The following INPP5A variants were observed in gnomAD, a reference collection of about 807,000 sequenced individuals.
The protein encoded by INPP5A is inositol polyphosphate-5-phosphatase A, also known as 43 kDa inositol polyphosphate 5-phophatase.
Under a neutral mutation model 65.2 loss-of-function variants are expected in INPP5A, and 14 were observed. The ratio of observed to expected loss-of-function variants is 0.21; its 90% CI spans 0.14 to 0.34. The LOEUF (loss-of-function observed/expected upper bound fraction) is 0.34. Among genes scored for constraint, INPP5A ranks in the 10% least tolerant of loss-of-function variants. INPP5A has a pLI of 1.00. For synonymous variants in INPP5A, 207 were observed against 208.3 expected (o/e 0.99, Z 0.05); for missense variants, 431 against 545.6 (o/e 0.79, Z 2.09).
At chr10:132,699,368 G>GGGCT (rs1427096273) in intron 6 of INPP5A, among the ~76,000 whole-genome samples, 2 of 149,888 alleles carry the variant, frequency 1.3e-5, no homozygotes, top group East Asian at 3.9e-4. Context: ...GGGGTGGGGG[G>GGGCT]GGGCTGGGCT....
intron 9 of INPP5A, among the ~76,000 whole-genome samples, chr10:132,734,975 G>A (rs1432099985): frequency 6.6e-6 from 1 of 152,178 alleles, no homozygotes; most frequent in Non-Finnish European, 1.5e-5. Context: ...CTCAGAGAAG[G>A]CCACACAGAG....
At position 132,549,195 on chromosome 10, in the gene INPP5A, A is replaced by G. The variant is rs1397971306; in HGVS notation, c.75+11024A>G. Among the ~76,000 whole-genome samples, 1 of 152,072 alleles carries G rather than the reference A, an allele frequency of 6.6e-6. No homozygotes were observed. The highest frequency in any genetic ancestry group is 1.9e-4 in the East Asian group (1 of 5,178). ...ACGTCGGGGCTATCGTGGCTAGTGT[A>G]CTGTTTGTGAATATGCACGTGCCTG... On this transcript the variant is annotated intron_variant, in intron 1 of 15. Coordinates refer to ENST00000368594, the MANE Select transcript of INPP5A (RefSeq NM_005539.5). The surrounding 1 kb of genome is among the most constrained non-coding windows in gnomAD (Gnocchi z 4.9).
At chr10:132,666,377 T>C (rs376473311) in intron 4 of INPP5A, among the ~76,000 whole-genome samples, 14 of 151,924 alleles carry the variant, frequency 9.2e-5, no homozygotes, top group African/African-American at 3.4e-4. Flanking sequence ...AGTAGGGAGG[T>C]AACGGATAAG....
intron 2 of INPP5A, among the ~76,000 whole-genome samples, chr10:132,630,615 A>ATGAGGGGAAGACG (rs1564941157): frequency 0.042 from 361 of 8,590 alleles, 1 homozygote; most frequent in South Asian, 0.14. Context: ...AGGGGAAGAC[A>ATGAGGGGAAGACG]TCCATGAGGG....
At chr10:132,700,645 G>T (rs2134506057) in intron 6 of INPP5A, among the ~76,000 whole-genome samples, 1 of 152,280 alleles carries the variant, frequency 6.6e-6, no homozygotes, top group Admixed American at 6.5e-5. Context: ...GCCTGGCCGG[G>T]CCCGCCCCTC....
intron 1 of INPP5A, among the ~76,000 whole-genome samples, chr10:132,562,797 G>C (rs1203718424): frequency 1.3e-5 from 2 of 152,230 alleles, no homozygotes; most frequent in African/African-American, 4.8e-5. Context: ...GGCCTGTGGG[G>C]ATGGATGGCA....
intron 9 of INPP5A, among the ~76,000 whole-genome samples, chr10:132,749,045 C>G (rs1420278807): frequency 6.6e-6 from 1 of 152,250 alleles, no homozygotes; most frequent in Non-Finnish European, 1.5e-5. Context: ...CAGCTTCACC[C>G]AGATGAGCCT....
At chr10:132,633,256 T>C (rs1256963521) in intron 2 of INPP5A, among the ~76,000 whole-genome samples, 1 of 152,000 alleles carries the variant, frequency 6.6e-6, no homozygotes, top group Non-Finnish European at 1.5e-5. Context: ...CTGTTGGGAG[T>C]CATTGCTCAT....
rs139462785 is a variant in INPP5A at position 132,743,645 on chromosome 10, G to C, written c.733-5872G>C. Among the ~76,000 whole-genome samples, 298 of 152,330 alleles carry C rather than the reference G, an allele frequency of 2.0e-3. 1 individual carries two copies. Among genetic ancestry groups the C allele is most frequent in the Non-Finnish European group, 3.2e-3 (215 of 68,030 alleles). ...TTCTTCAAGACTGGACTCACTCCTC[G>C]TCACGTGTGGGGAGGAAACTTCTGA... On this transcript the variant is annotated intron_variant, in intron 9 of 15. Coordinates refer to ENST00000368594, the MANE Select transcript of INPP5A (RefSeq NM_005539.5).
intron 8 of INPP5A, among the ~76,000 whole-genome samples, chr10:132,718,188 C>A (rs1204090643): frequency 6.9e-6 from 1 of 145,830 alleles, no homozygotes; most frequent in Non-Finnish European, 1.5e-5. Context: ...GTCTGGGCGC[C>A]TTAGACGGCT....
chr10:132,633,139 T>TG (rs1221713400), intron 2 of INPP5A, among the ~76,000 whole-genome samples: 1 of 152,182 alleles, frequency 6.6e-6, no homozygotes. Flanking sequence ...GCCCTGTCCC[T>TG]GGCTGCCTTT....
At chr10:132,579,752 T>C (rs1262794945) in intron 1 of INPP5A, among the ~76,000 whole-genome samples, 1 of 151,322 alleles carries the variant, frequency 6.6e-6, no homozygotes, top group East Asian at 1.9e-4. Context: ...ATTGATGGGG[T>C]GAAGGAGAGG....
chr10:132,769,034 G>T (rs962002671), intron 12 of INPP5A, among the ~76,000 whole-genome samples: 1 of 152,218 alleles, frequency 6.6e-6, no homozygotes, highest in African/African-American at 2.4e-5. Context: ...CTAGCGCAGA[G>T]CTCCGGATAC....
chr10:132,553,281 G>A (rs1169129710), intron 1 of INPP5A, among the ~76,000 whole-genome samples: 2 of 127,896 alleles, frequency 1.6e-5, no homozygotes, highest in African/African-American at 6.2e-5. Flanking sequence ...CCTTCTCAGA[G>A]CCTTGGTGGA....
intron 1 of INPP5A, among the ~76,000 whole-genome samples, chr10:132,566,931 A>G (rs942109187): frequency 4.6e-5 from 7 of 152,248 alleles, no homozygotes; most frequent in Admixed American, 2.6e-4. Flanking sequence ...ACACAAGAGA[A>G]TCTATTGAAA....
At chr10:132,751,464 G>C (rs757402558) in intron 11 of INPP5A, among the ~76,000 whole-genome samples, 1 of 152,262 alleles carries the variant, frequency 6.6e-6, no homozygotes, top group Non-Finnish European at 1.5e-5. Flanking sequence ...GGGGCCGCCT[G>C]TCTGTGGCTC....
chr10:132,578,190 A>C (rs1200885153), intron 1 of INPP5A, among the ~76,000 whole-genome samples: 1 of 152,224 alleles, frequency 6.6e-6, no homozygotes. Flanking sequence ...GACAGCAATA[A>C]AAATGAACCC....
At chr10:132,559,422 T>G (rs963798081) in intron 1 of INPP5A, among the ~76,000 whole-genome samples, 1 of 152,198 alleles carries the variant, frequency 6.6e-6, no homozygotes, top group Non-Finnish European at 1.5e-5. Context: ...GTTCACAAGG[T>G]CGTGTGACCT....
intron 1 of INPP5A, among the ~76,000 whole-genome samples, chr10:132,577,304 T>A (rs2071422422): frequency 6.6e-6 from 1 of 152,180 alleles, no homozygotes; most frequent in Non-Finnish European, 1.5e-5. Context: ...ACTCTGATCA[T>A]CCTCCAAGCC....
Sources: gnomAD v4.1 joint callset for allele counts (sites outside exome capture counted in the v4.1 genomes callset) on GRCh38, gnomAD v4.1.1 for gene constraint, Gnocchi (gnomAD v3.1) non-coding constraint, MANE v1.5 for transcripts, NCBI Gene and HGNC (gene_info 2026-07-23, HGNC 2026-07-21) for gene names.